The following B4GALT5 variants were observed in gnomAD, a reference collection of about 807,000 sequenced individuals.
B4GALT5 encodes beta-1,4-galactosyltransferase 5.
B4GALT5 carries 11 observed loss-of-function variants against 45.0 expected under a neutral mutation model. The ratio of observed to expected loss-of-function variants is 0.24; its 90% CI spans 0.15 to 0.40. The LOEUF is 0.40. Among genes scored for constraint, B4GALT5 ranks in the 10% least tolerant of loss-of-function variants. The probability of loss-of-function intolerance (pLI) is 1.00; values close to 1 mark genes in which losing one functional copy is unlikely to be tolerated. For synonymous variants in B4GALT5, 185 were observed against 182.9 expected, an observed-to-expected ratio of 1.01 and a Z score of -0.09; for missense variants, 337 against 500.2, an observed-to-expected ratio of 0.67 and a Z score of 3.11.
chr20:49,698,338 G>T (rs1429491591), intron 1 of B4GALT5, among the ~76,000 whole-genome samples: 3 of 151,680 alleles, frequency 2.0e-5, no homozygotes, highest in Admixed American at 6.6e-5. Context: ...AATAAAAAAA[G>T]AAAAAAGAAA....
intron 7 of B4GALT5, among the ~76,000 whole-genome samples, chr20:49,638,299 T>G (rs1036871680): frequency 6.6e-6 from 1 of 152,202 alleles, no homozygotes. Context: ...ATTACAGGTG[T>G]GAGCCACAGT....
chr20:49,699,062 C>T (rs1447776924), intron 1 of B4GALT5, among the ~76,000 whole-genome samples: 3 of 151,960 alleles, frequency 2.0e-5, no homozygotes, highest in Admixed American at 2.0e-4. Flanking sequence ...AAATTTGAAA[C>T]CAACAAGAAA....
rs1330764821 is a variant in B4GALT5 at position 49,658,164 on chromosome 20, T to C, written c.116-1462A>G. On this transcript the variant is annotated intron_variant, in intron 1 of 8. Transcript: ENST00000371711. ...GTCGGAGAATAGATCAGATATTGTG[T>C]TTATTCTCTAGTAGCTAGGAAAGAT... 2.6e-5 allele frequency among the ~76,000 whole-genome samples: 4 copies of C among 152,146 alleles called. No individual in the cohort carries two copies. The South Asian group carries it at 6.2e-4, about 24-fold the overall frequency.
intron 1 of B4GALT5, among the ~76,000 whole-genome samples, chr20:49,683,435 C>T (rs2146350320): frequency 6.9e-6 from 1 of 144,880 alleles, no homozygotes; most frequent in Non-Finnish European, 1.5e-5. Context: ...ACTCTGTTGC[C>T]CAGGCTGGAG....
At chr20:49,643,887 T>C (rs868062559) in intron 3 of B4GALT5, among the ~76,000 whole-genome samples, 8 of 149,058 alleles carry the variant, frequency 5.4e-5, no homozygotes, top group Admixed American at 3.4e-4. Flanking sequence ...AGGGGCCAGG[T>C]AGAAATGAAA....
intron 1 of B4GALT5, among the ~76,000 whole-genome samples, chr20:49,685,775 T>A (rs912607659): frequency 6.6e-6 from 1 of 152,208 alleles, no homozygotes; most frequent in Non-Finnish European, 1.5e-5. Context: ...AACATTTAGA[T>A]CTGCTTTTAA....
At position 49,633,505 on chromosome 20, in the gene B4GALT5, C is replaced by T. The variant is rs1396872951; in HGVS notation, c.*2807G>A. On this transcript the variant is annotated 3_prime_UTR_variant, in exon 9 of 9. Coordinates refer to ENST00000371711, the MANE Select transcript of B4GALT5 (RefSeq NM_004776.4). ...CACGGGCCTGGCTGTACGTTTTTAA[C>T]TATGACATTTCCCATATGATATTCG... 6.6e-6 allele frequency: 1 copy of T among 150,434 alleles called. No homozygotes were observed. Among genetic ancestry groups the T allele is most frequent in the Non-Finnish European group, 1.5e-5 (1 of 67,890 alleles). 9.3% of individuals were successfully genotyped at this position (150,434 alleles called of 1,614,324 possible).
At chr20:49,645,147 C>T (rs2085593710) in intron 3 of B4GALT5, among the ~76,000 whole-genome samples, 1 of 152,182 alleles carries the variant, frequency 6.6e-6, no homozygotes, top group African/African-American at 2.4e-5. Flanking sequence ...GAGGCTGAGG[C>T]AGGACGATTG....
intron 2 of B4GALT5, among the ~76,000 whole-genome samples, chr20:49,654,491 C>A (rs2085634073): frequency 6.6e-6 from 1 of 152,162 alleles, no homozygotes. Context: ...TCTTTGCCAA[C>A]AAGAAAGTAT....
At chr20:49,691,809 G>T (rs868574476) in intron 1 of B4GALT5, among the ~76,000 whole-genome samples, 1 of 152,086 alleles carries the variant, frequency 6.6e-6, no homozygotes, top group Admixed American at 6.5e-5. Context: ...ATGCTTCGCT[G>T]TATTTCCCAA....
intron 3 of B4GALT5, among the ~76,000 whole-genome samples, chr20:49,644,348 A>T (rs927720105): frequency 6.6e-6 from 1 of 152,096 alleles, no homozygotes; most frequent in Non-Finnish European, 1.5e-5. Flanking sequence ...GGCCTCCCAA[A>T]GTGCTGGGAT....
At chr20:49,680,798 T>TC (rs1383795273) in intron 1 of B4GALT5, among the ~76,000 whole-genome samples, 1 of 152,044 alleles carries the variant, frequency 6.6e-6, no homozygotes, top group African/African-American at 2.4e-5. Flanking sequence ...CTTTTTTTTT[T>TC]CCGTAAAGTG....
At chr20:49,681,298 G>A (rs551748370) in intron 1 of B4GALT5, among the ~76,000 whole-genome samples, 2 of 151,022 alleles carry the variant, frequency 1.3e-5, no homozygotes, top group African/African-American at 2.4e-5. Context: ...CTGAGGTTCT[G>A]TATTTAAAAT....
chr20:49,639,222 A>G (rs1297789168), intron 7 of B4GALT5, among the ~76,000 whole-genome samples: 1 of 152,248 alleles, frequency 6.6e-6, no homozygotes, highest in South Asian at 2.1e-4. Flanking sequence ...TTGCTAAATT[A>G]TAATTTGTTG....
At chr20:49,696,467 T>C (rs1321432011) in intron 1 of B4GALT5, among the ~76,000 whole-genome samples, 1 of 152,228 alleles carries the variant, frequency 6.6e-6, no homozygotes, top group African/African-American at 2.4e-5. Context: ...TATGTTTTCT[T>C]TACAGCTTTC....
intron 1 of B4GALT5, among the ~76,000 whole-genome samples, chr20:49,658,569 C>T (rs2085652650): frequency 6.6e-6 from 1 of 152,152 alleles, no homozygotes; most frequent in South Asian, 2.1e-4. Flanking sequence ...GAACTCACTA[C>T]CTCCTTTCCT....
intron 1 of B4GALT5, among the ~76,000 whole-genome samples, chr20:49,680,300 C>A (rs1043139321): frequency 1.3e-5 from 2 of 152,030 alleles, no homozygotes; most frequent in Admixed American, 1.3e-4. Context: ...GCTATGGAGA[C>A]CCTTCTGCAG....
intron 3 of B4GALT5, among the ~76,000 whole-genome samples, chr20:49,645,141 C>G (rs2085593694): frequency 6.6e-6 from 1 of 152,208 alleles, no homozygotes. Context: ...TCTCAGGAGG[C>G]TGAGGCAGGA....
chr20:49,670,362 A>G (rs1284041718), intron 1 of B4GALT5, among the ~76,000 whole-genome samples: 1 of 152,234 alleles, frequency 6.6e-6, no homozygotes, highest in Admixed American at 6.5e-5. Flanking sequence ...CTTTGCTGTT[A>G]GGGAGTAACA....
Sources: allele counts gnomAD v4.1 joint callset (sites outside exome capture counted in the v4.1 genomes callset), GRCh38; gene constraint gnomAD v4.1.1; transcripts MANE v1.5; gene names NCBI Gene and HGNC (gene_info 2026-07-23, HGNC 2026-07-21).